Variants in FSTL4 observed in about 807,000 individuals in gnomAD.
FSTL4 encodes the protein follistatin-related protein 4.
FSTL4 carries 28 observed loss-of-function variants against 78.2 expected under a neutral mutation model. The ratio of observed to expected loss-of-function variants is 0.36; its 90% confidence interval spans 0.27 to 0.49. FSTL4 has a LOEUF of 0.49. Ranked by LOEUF, FSTL4 falls within the 20% of genes least tolerant of loss-of-function variation. The probability of loss-of-function intolerance (pLI) is 0.98; values close to 1 mark genes in which losing one functional copy is unlikely to be tolerated. For synonymous variants in FSTL4, 422 were observed against 440.5 expected (o/e 0.96, Z 0.53); for missense variants, 922 against 1,084.9 (o/e 0.85, Z 2.11).
At chr5:133,531,368 A>G (rs1374800856) in intron 3 of FSTL4, among the ~76,000 whole-genome samples, 1 of 152,130 alleles carries the variant, frequency 6.6e-6, no homozygotes, top group Non-Finnish European at 1.5e-5. Context: ...CTTGTCAGAG[A>G]GGGACCCACA....
At chr5:133,779,356 G>A in the FSTL4 span, among the ~76,000 whole-genome samples, 1 of 152,144 alleles carries the variant, frequency 6.6e-6, no homozygotes, top group Non-Finnish European at 1.5e-5. Flanking sequence ...GGAAGCCAAG[G>A]CGGGTGGATC....
chr5:133,515,571 C>T (rs1040020861), intron 3 of FSTL4, among the ~76,000 whole-genome samples: 6 of 151,772 alleles, frequency 4.0e-5, no homozygotes, highest in African/African-American at 1.5e-4. Context: ...AAATAAGCTG[C>T]AAGAAGCAAT....
chr5:133,812,559 C>A, the FSTL4 span, among the ~76,000 whole-genome samples: 1 of 146,614 alleles, frequency 6.8e-6, no homozygotes, highest in South Asian at 2.2e-4. Context: ...TGGGCTTCTT[C>A]TTGTCATTCA....
intron 7 of FSTL4, among the ~76,000 whole-genome samples, chr5:133,241,929 A>G (rs1751886586): frequency 6.6e-6 from 1 of 152,190 alleles, no homozygotes; most frequent in Non-Finnish European, 1.5e-5. Context: ...ATTTCCTTCT[A>G]TGGCTCATTT....
chr5:133,739,548 T>C, the FSTL4 span, among the ~76,000 whole-genome samples: 1 of 152,130 alleles, frequency 6.6e-6, no homozygotes, highest in Admixed American at 6.5e-5. Context: ...GTAGAAATCA[T>C]GCAACTGGGT....
intron 2 of FSTL4, among the ~76,000 whole-genome samples, chr5:133,578,851 A>G (rs1032695422): frequency 3.3e-5 from 5 of 152,230 alleles, no homozygotes; most frequent in African/African-American, 1.2e-4. Context: ...ACACAGCCAG[A>G]TTAAGGGACC....
chr5:133,655,009 C>G, the FSTL4 span, among the ~76,000 whole-genome samples: 1 of 152,180 alleles, frequency 6.6e-6, no homozygotes, highest in African/African-American at 2.4e-5. Flanking sequence ...AGCTGCAGAC[C>G]AGAATATCCA....
In FSTL4 at chr5:133,400,925, G is replaced by A. The variant is rs540420127; in HGVS notation, c.222C>T (p.Ser74=). Residue 74 remains serine, a synonymous_variant, in exon 4 of 16, where the codon AGC becomes AGT. Coordinates refer to ENST00000265342, the MANE Select transcript of FSTL4 (RefSeq NM_015082.2). ...SCGKKFCSRG[S]RCVLSRKTGE... Reference sequence around the variant, plus strand: ...CTGTCTTCCTGCTGAGCACGCACCGGCTCCCTCGGCTGCAGAACTTCTTCC... The same window carrying A: ...CTGTCTTCCTGCTGAGCACGCACCGACTCCCTCGGCTGCAGAACTTCTTCC... 4.3e-6 allele frequency: 7 copies of A among 1,613,396 alleles called. No homozygotes were observed. The South Asian group carries it at 7.7e-5, about 18-fold the overall frequency.
intron 3 of FSTL4, among the ~76,000 whole-genome samples, chr5:133,560,871 G>A (rs1379039242): frequency 6.6e-6 from 1 of 151,272 alleles, no homozygotes. Flanking sequence ...CAGATCACGA[G>A]GTCAGGAGAT....
chr5:133,298,393 G>A (rs151013019), intron 6 of FSTL4, among the ~76,000 whole-genome samples: 19 of 152,310 alleles, frequency 1.2e-4, no homozygotes, highest in African/African-American at 3.4e-4. Context: ...ATCGTGGGTG[G>A]GCTTCCCCAC....
intron 4 of FSTL4, among the ~76,000 whole-genome samples, chr5:133,324,795 C>T (rs925012788): frequency 6.6e-6 from 1 of 152,262 alleles, no homozygotes; most frequent in Non-Finnish European, 1.5e-5. Flanking sequence ...AGCCACCCTG[C>T]ACCATGGTGA....
rs184338285 is a variant in FSTL4 at position 133,410,587 on chromosome 5, A to G, written c.161-9601T>C. Among the ~76,000 whole-genome samples the G allele has an allele frequency of 2.8e-4, 43 of 152,242 alleles. No individual in the cohort carries two copies. In the East Asian group the frequency reaches 7.9e-3, roughly 28 times the overall value. On this transcript the variant is annotated intron_variant, in intron 3 of 15. Coordinates refer to ENST00000265342, the MANE Select transcript of FSTL4 (RefSeq NM_015082.2). ...TATCCTTGGAGACTTGCCAGCACAG[A>G]TGGGGAGCTAAATTCTTCCAGGGCC... is the stretch of plus-strand genomic sequence containing the variant.
chr5:133,388,273 G>A (rs973499094), intron 4 of FSTL4, among the ~76,000 whole-genome samples: 4 of 152,098 alleles, frequency 2.6e-5, no homozygotes, highest in African/African-American at 7.2e-5. Flanking sequence ...AAGAGTACAC[G>A]GATGGTGTAT....
At chr5:133,607,775 C>T (rs1490282399) in intron 1 of FSTL4, among the ~76,000 whole-genome samples, 1 of 152,294 alleles carries the variant, frequency 6.6e-6, no homozygotes, top group South Asian at 2.1e-4. Flanking sequence ...CTCATGGCTC[C>T]AACCAAGGGC....
chr5:133,633,463 T>C, the FSTL4 span, among the ~76,000 whole-genome samples: 2 of 152,238 alleles, frequency 1.3e-5, no homozygotes, highest in African/African-American at 4.8e-5. Flanking sequence ...CATTTTTATT[T>C]GGTCCTTCTT....
At chr5:133,753,201 G>A in the FSTL4 span, among the ~76,000 whole-genome samples, 22 of 152,138 alleles carry the variant, frequency 1.4e-4, no homozygotes, top group Non-Finnish European at 2.8e-4. Flanking sequence ...AAACTGAAGG[G>A]GCAGCCTTCT....
chr5:133,839,263 A>G, the FSTL4 span, among the ~76,000 whole-genome samples: 64 of 152,182 alleles, frequency 4.2e-4, no homozygotes, highest in Non-Finnish European at 5.4e-4. Context: ...TAGAAGCCCA[A>G]TAAAGAAAAT....
intron 3 of FSTL4, among the ~76,000 whole-genome samples, chr5:133,479,205 T>C (rs976782463): frequency 9.9e-5 from 15 of 152,258 alleles, no homozygotes; most frequent in African/African-American, 1.4e-4. Flanking sequence ...GACAATCCCA[T>C]GAAGGCGGGG....
At chr5:133,324,282 C>A (rs934840778) in intron 4 of FSTL4, among the ~76,000 whole-genome samples, 1 of 152,114 alleles carries the variant, frequency 6.6e-6, no homozygotes, top group African/African-American at 2.4e-5. Flanking sequence ...GTAATGTGGG[C>A]AATGTGGAAA....
Sources: allele counts gnomAD v4.1 joint callset (sites outside exome capture counted in the v4.1 genomes callset), GRCh38; gene constraint gnomAD v4.1.1; transcripts MANE v1.5; gene names NCBI Gene and HGNC (gene_info 2026-07-23, HGNC 2026-07-21).